RBFOX3: variants seen among roughly 807,000 people sequenced by gnomAD.
The protein encoded by RBFOX3 is RNA binding fox-1 homolog 3, also known as RNA binding protein fox-1 homolog 3.
RBFOX3 carries 17 observed loss-of-function variants against 48.7 expected under a neutral mutation model. That is an observed-to-expected ratio of 0.35 (90% CI 0.24 to 0.52). The LOEUF (loss-of-function observed/expected upper bound fraction) is 0.52. Among genes scored for constraint, RBFOX3 ranks in the 20% least tolerant of loss-of-function variants. RBFOX3 has a pLI of 0.94. For synonymous variants in RBFOX3, 212 were observed against 209.5 expected (o/e 1.01, Z -0.10); for missense variants, 382 against 497.5 (o/e 0.77, Z 2.21).
intron 3 of RBFOX3, among the ~76,000 whole-genome samples, chr17:79,238,675 T>C (rs542072976): frequency 2.3e-4 from 35 of 152,304 alleles, no homozygotes; most frequent in South Asian, 6.2e-4. Flanking sequence ...TGCCAACCCT[T>C]CTCTCCTGAG....
At chr17:79,546,751 C>A (rs975949299) in intron 1 of RBFOX3, among the ~76,000 whole-genome samples, 1 of 151,244 alleles carries the variant, frequency 6.6e-6, no homozygotes, top group African/African-American at 2.4e-5. Flanking sequence ...CTCACTGCAA[C>A]CTCCGACTCC....
intron 3 of RBFOX3, among the ~76,000 whole-genome samples, chr17:79,298,587 C>A (rs2074782761): frequency 6.6e-6 from 1 of 152,170 alleles, no homozygotes; most frequent in Non-Finnish European, 1.5e-5. Flanking sequence ...CTTGGTGGAA[C>A]ACGGCACACC....
At chr17:79,656,782 G>GA in the RBFOX3 span, among the ~76,000 whole-genome samples, 15 of 24,918 alleles carry the variant, frequency 6.0e-4, no homozygotes, top group East Asian at 2.4e-3. Context: ...AGGAAGGAAA[G>GA]AAAGAAAGAA....
chr17:79,336,050 C>T (rs2081140285), intron 2 of RBFOX3, among the ~76,000 whole-genome samples: 1 of 152,196 alleles, frequency 6.6e-6, no homozygotes, highest in Non-Finnish European at 1.5e-5. Flanking sequence ...GATAGCTTCA[C>T]ACACATTCCT....
chr17:79,179,889 T>C (rs760574958), intron 4 of RBFOX3, among the ~76,000 whole-genome samples: 18 of 152,176 alleles, frequency 1.2e-4, no homozygotes, highest in Non-Finnish European at 2.2e-4. Flanking sequence ...AGGGGTCAGA[T>C]GTTGGGGGAC....
At position 79,471,815 on chromosome 17, in the gene RBFOX3, C is replaced by T. The variant is rs1403076866; in HGVS notation, c.-175+10639G>A. ...CATCACTCCTGCATCACACCTAGCG[C>T]CCCGTGTGTGACCCGGGATCCCACC... On this transcript the variant is annotated intron_variant, in intron 2 of 14. Coordinates refer to ENST00000693108, the MANE Select transcript of RBFOX3 (RefSeq NM_001350451.2). The surrounding 1 kb of genome is among the most constrained non-coding windows in gnomAD (Gnocchi z 4.0). Among the ~76,000 whole-genome samples, 1 of 152,204 alleles carries T rather than the reference C, an allele frequency of 6.6e-6. No homozygotes were observed. The highest frequency in any genetic ancestry group is 1.5e-5 in the Non-Finnish European group (1 of 68,040).
chr17:79,393,781 A>G (rs1440845208), intron 2 of RBFOX3, among the ~76,000 whole-genome samples: 2 of 150,346 alleles, frequency 1.3e-5, no homozygotes, highest in Non-Finnish European at 3.0e-5. Context: ...TGCACATCAG[A>G]GCTGGTCATC....
intron 1 of RBFOX3, among the ~76,000 whole-genome samples, chr17:79,591,792 G>A (rs2093423346): frequency 6.6e-6 from 1 of 152,044 alleles, no homozygotes; most frequent in African/African-American, 2.4e-5. Flanking sequence ...AGCTATGTGT[G>A]CACGTATGGA....
the RBFOX3 span, among the ~76,000 whole-genome samples, chr17:79,619,381 AG>A: frequency 6.6e-6 from 1 of 152,310 alleles, no homozygotes; most frequent in African/African-American, 2.4e-5. Context: ...AAAAGGCTCC[AG>A]GGGGACTCCC....
intron 3 of RBFOX3, among the ~76,000 whole-genome samples, chr17:79,275,317 C>A (rs976306168): frequency 6.6e-6 from 1 of 152,064 alleles, no homozygotes; most frequent in Non-Finnish European, 1.5e-5. Flanking sequence ...TTTTCTCTGT[C>A]CCTGATGTCA....
chr17:79,644,236 G>C, the RBFOX3 span, among the ~76,000 whole-genome samples: 2,355 of 152,160 alleles, frequency 0.015, 149 homozygotes, highest in Admixed American at 0.11. Context: ...GGTTTTACTG[G>C]TGAATTCTAT....
chr17:79,186,124 T>C (rs9905105), intron 4 of RBFOX3, among the ~76,000 whole-genome samples: 26,149 of 152,232 alleles, frequency 0.17, 2,225 homozygotes, highest in East Asian at 0.23. Flanking sequence ...TGTGCCTCTC[T>C]GCCCAGCCAC....
intron 1 of RBFOX3, among the ~76,000 whole-genome samples, chr17:79,553,139 C>T (rs1006249574): frequency 3.3e-5 from 5 of 152,064 alleles, no homozygotes; most frequent in Admixed American, 2.0e-4. Context: ...ATTACAGTCA[C>T]GTTAAGAAAG....
At chr17:79,170,731 G>T (rs2049106681) in intron 4 of RBFOX3, among the ~76,000 whole-genome samples, 1 of 152,064 alleles carries the variant, frequency 6.6e-6, no homozygotes, top group East Asian at 1.9e-4. Context: ...TATCCCAGAT[G>T]AACTTTCCTT....
intron 3 of RBFOX3, among the ~76,000 whole-genome samples, chr17:79,236,820 T>C (rs1224800564): frequency 6.6e-6 from 1 of 152,144 alleles, no homozygotes; most frequent in African/African-American, 2.4e-5. Context: ...AGACCTTCCT[T>C]TTCTTAGTAG....
intron 3 of RBFOX3, among the ~76,000 whole-genome samples, chr17:79,240,807 G>C (rs1225695685): frequency 6.6e-6 from 1 of 151,898 alleles, no homozygotes; most frequent in Non-Finnish European, 1.5e-5. Flanking sequence ...GGGACTACAG[G>C]CACCCGCCAC....
chr17:79,565,794 G>A (rs1475766887), intron 1 of RBFOX3, among the ~76,000 whole-genome samples: 1 of 152,160 alleles, frequency 6.6e-6, no homozygotes, highest in Non-Finnish European at 1.5e-5. Flanking sequence ...TTCTTCTGCA[G>A]ACAATACTTC....
intron 1 of RBFOX3, among the ~76,000 whole-genome samples, chr17:79,498,603 C>T (rs2081929069): frequency 6.6e-6 from 1 of 151,352 alleles, no homozygotes; most frequent in Admixed American, 6.6e-5. Context: ...TTCGCCCATC[C>T]ATCCATGCAT....
At chr17:79,295,059 C>T (rs921485171) in intron 3 of RBFOX3, among the ~76,000 whole-genome samples, 1 of 152,174 alleles carries the variant, frequency 6.6e-6, no homozygotes, top group Admixed American at 6.5e-5. Flanking sequence ...GTCTAGCTTG[C>T]CTTTCCTAAC....
Sources: allele counts gnomAD v4.1 joint callset (sites outside exome capture counted in the v4.1 genomes callset), GRCh38; gene constraint gnomAD v4.1.1; non-coding constraint Gnocchi (gnomAD v3.1); transcripts MANE v1.5; gene names NCBI Gene and HGNC (gene_info 2026-07-23, HGNC 2026-07-21).